The following MPP7 variants were observed in gnomAD, a reference collection of about 807,000 sequenced individuals.
The protein encoded by MPP7 is MAGUK p55 scaffold protein 7, also known as MAGUK p55 subfamily member 7.
In MPP7, 60 loss-of-function variants were observed where a neutral mutation model predicts 76.5. The ratio of observed to expected loss-of-function variants is 0.78; its 90% CI spans 0.64 to 0.97. The LOEUF (loss-of-function observed/expected upper bound fraction) is 0.97, where lower values mean the gene tolerates loss of function less well. Among genes scored for constraint, MPP7 ranks in the 50% least tolerant of loss-of-function variants. The pLI, the probability that MPP7 is intolerant of heterozygous loss-of-function variation, is 0.00. For synonymous variants in MPP7, 237 were observed against 244.5 expected (o/e 0.97, Z 0.29); for missense variants, 641 against 694.0 (o/e 0.92, Z 0.86).
chr10:28,207,806 G>T (rs1837998418), intron 2 of MPP7, among the ~76,000 whole-genome samples: 1 of 152,154 alleles, frequency 6.6e-6, no homozygotes, highest in Non-Finnish European at 1.5e-5. Flanking sequence ...TACATTCTAG[G>T]TTGGAGAACA....
At chr10:28,196,935 T>C (rs892982708) in intron 3 of MPP7, among the ~76,000 whole-genome samples, 2 of 152,158 alleles carry the variant, frequency 1.3e-5, no homozygotes, top group Non-Finnish European at 2.9e-5. Flanking sequence ...CCCACTCTCT[T>C]AGAAGAAAGC....
At chr10:28,129,217 A>G (rs1371150790) in intron 6 of MPP7, among the ~76,000 whole-genome samples, 1 of 152,176 alleles carries the variant, frequency 6.6e-6, no homozygotes, top group Non-Finnish European at 1.5e-5. Context: ...TACACGTGAT[A>G]CTGTACAAAA....
At chr10:28,102,901 C>A (rs1393516506) in intron 11 of MPP7, among the ~76,000 whole-genome samples, 1 of 152,192 alleles carries the variant, frequency 6.6e-6, no homozygotes, top group Non-Finnish European at 1.5e-5. Context: ...GTGACCCTTA[C>A]ACACAGAAGG....
intron 16 of MPP7, among the ~76,000 whole-genome samples, chr10:28,055,888 TTGAATA>T (rs11279399): frequency 0.086 from 13,023 of 152,184 alleles, 1,820 homozygotes; most frequent in African/African-American, 0.29. Context: ...TTTGAGTCAA[TTGAATA>T]TGAAGATCCA....
intron 2 of MPP7, among the ~76,000 whole-genome samples, chr10:28,218,525 A>G (rs1838388636): frequency 6.6e-6 from 1 of 152,178 alleles, no homozygotes; most frequent in Admixed American, 6.5e-5. Context: ...TCTCCCTTAA[A>G]GTAAATAACT....
At chr10:28,252,020 A>G (rs561463636) in intron 1 of MPP7, among the ~76,000 whole-genome samples, 17 of 152,308 alleles carry the variant, frequency 1.1e-4, no homozygotes, top group African/African-American at 3.6e-4. Context: ...AGTTTCAGAA[A>G]GGTGCTAACA....
intron 3 of MPP7, among the ~76,000 whole-genome samples, chr10:28,181,699 C>CA (rs998465000): frequency 6.6e-6 from 1 of 151,616 alleles, no homozygotes; most frequent in South Asian, 2.1e-4. Flanking sequence ...AATAAACAAA[C>CA]AAAAAAAACA....
intron 3 of MPP7, among the ~76,000 whole-genome samples, chr10:28,180,093 G>GT (rs1049766340): frequency 1.3e-5 from 2 of 152,136 alleles, no homozygotes; most frequent in Admixed American, 1.3e-4. Context: ...AAATAGGAAA[G>GT]TTTTTTATCA....
At chr10:28,060,250 C>T (rs536767793) in intron 13 of MPP7, among the ~76,000 whole-genome samples, 11 of 152,272 alleles carry the variant, frequency 7.2e-5, no homozygotes, top group African/African-American at 2.6e-4. Flanking sequence ...CTACTCATTC[C>T]TCCTTTGCAA....
chr10:28,227,863 A>G (rs921810223), intron 2 of MPP7, among the ~76,000 whole-genome samples: 1 of 152,194 alleles, frequency 6.6e-6, no homozygotes, highest in African/African-American at 2.4e-5. Context: ...ATCAAATGGT[A>G]TTTCTGGTTC....
Position 28,182,876 on chromosome 10 carries a change from G to A in MPP7, c.156+19277C>T, listed in dbSNP as rs536210935. Among the ~76,000 whole-genome samples the A allele has an allele frequency of 3.2e-4, 48 of 152,310 alleles. 1 individual carries two copies. The South Asian group carries it at 9.5e-3, about 30-fold the overall frequency. On this transcript the variant is annotated intron_variant, in intron 3 of 16. Coordinates refer to ENST00000683449, the MANE Select transcript of MPP7 (RefSeq NM_001318170.2). ...GTGGATCACCTGAGGTCAGGAGTTC[G>A]AGACCATCCTGACCAACATGGAGAA...
intron 11 of MPP7, among the ~76,000 whole-genome samples, chr10:28,105,868 T>C (rs1834307243): frequency 6.6e-6 from 1 of 152,146 alleles, no homozygotes. Flanking sequence ...AACCTTTTGT[T>C]CTGCCAAATG....
At chr10:28,320,159 G>A (rs1349888326) in intron 2 of MPP7, among the ~76,000 whole-genome samples, 2 of 152,120 alleles carry the variant, frequency 1.3e-5, no homozygotes, top group African/African-American at 4.8e-5. Context: ...AGGAATTGAA[G>A]AAAAGGAAAC....
chr10:28,324,074 G>A (rs1225143902), intron 2 of MPP7, among the ~76,000 whole-genome samples: 4 of 152,106 alleles, frequency 2.6e-5, no homozygotes, highest in African/African-American at 7.2e-5. Context: ...GTGACGGTCT[G>A]TCTACTGCCA....
At chr10:28,296,450 TC>T (rs1434094847) in intron 1 of MPP7, among the ~76,000 whole-genome samples, 1 of 152,214 alleles carries the variant, frequency 6.6e-6, no homozygotes, top group Non-Finnish European at 1.5e-5. Context: ...TCACTTAGAT[TC>T]CTATCCTGCA....
intron 2 of MPP7, among the ~76,000 whole-genome samples, chr10:28,313,791 A>C (rs1326257061): frequency 1.3e-5 from 2 of 149,230 alleles, no homozygotes; most frequent in Admixed American, 6.8e-5. Flanking sequence ...GGTTCTGTTG[A>C]TCTTCCCACC....
At chr10:28,281,105 G>T (rs1840658621) in intron 1 of MPP7, among the ~76,000 whole-genome samples, 2 of 151,348 alleles carry the variant, frequency 1.3e-5, no homozygotes, top group South Asian at 4.2e-4. Flanking sequence ...TTTGAGACAG[G>T]GTCTCACTCT....
intron 2 of MPP7, among the ~76,000 whole-genome samples, chr10:28,230,252 G>A (rs1259235708): frequency 6.6e-6 from 1 of 152,070 alleles, no homozygotes; most frequent in Admixed American, 6.6e-5. Flanking sequence ...CATAAAATGG[G>A]ATGGTAGATT....
intron 2 of MPP7, among the ~76,000 whole-genome samples, chr10:28,232,424 C>T (rs570117356): frequency 7.9e-5 from 12 of 151,626 alleles, no homozygotes; most frequent in Non-Finnish European, 1.8e-4. Flanking sequence ...GATTGGATTG[C>T]TTTTCTCTTC....
Sources: allele counts gnomAD v4.1 joint callset (sites outside exome capture counted in the v4.1 genomes callset), GRCh38; gene constraint gnomAD v4.1.1; transcripts MANE v1.5; gene names NCBI Gene and HGNC (gene_info 2026-07-23, HGNC 2026-07-21).